SFRP1: variants seen among roughly 807,000 people sequenced by gnomAD.
The protein encoded by SFRP1 is secreted frizzled related protein 1.
SFRP1 carries 9 observed loss-of-function variants against 25.9 expected under a neutral mutation model. That is an observed-to-expected ratio of 0.35 (90% CI 0.21 to 0.61). SFRP1 has a LOEUF of 0.61. Ranked by LOEUF, SFRP1 falls within the 20% of genes least tolerant of loss-of-function variation. The pLI, the probability that SFRP1 is intolerant of heterozygous loss-of-function variation, is 0.78. For missense variants in SFRP1, 346 were observed against 418.2 expected (o/e 0.83, Z 1.51); for synonymous variants, 178 against 174.0 (o/e 1.02, Z -0.18).
chr8:41,292,667 G>C (rs113791997), intron 2 of SFRP1, among the ~76,000 whole-genome samples: 2 of 152,056 alleles, frequency 1.3e-5, no homozygotes, highest in Non-Finnish European at 2.9e-5. Context: ...CAACACTTCT[G>C]TCTACACAGC....
At chr8:41,299,499 T>TA (rs576175856) in intron 2 of SFRP1, among the ~76,000 whole-genome samples, 1,140 of 56,068 alleles carry the variant, frequency 0.02, 57 homozygotes, top group African/African-American at 0.044. Context: ...TTCTCCTTTA[T>TA]AAAAAAAAAA....
intron 2 of SFRP1, among the ~76,000 whole-genome samples, chr8:41,279,701 G>A (rs1168421514): frequency 4.7e-5 from 7 of 150,068 alleles, no homozygotes; most frequent in African/African-American, 1.5e-4. Flanking sequence ...AGCTTTCTAG[G>A]TATAAAGGGA....
At chr8:41,286,333 AGGGGCG>A (rs1803700949) in intron 2 of SFRP1, among the ~76,000 whole-genome samples, 1 of 152,248 alleles carries the variant, frequency 6.6e-6, no homozygotes, top group Non-Finnish European at 1.5e-5. Flanking sequence ...GTTCCGAGGC[AGGGGCG>A]GTTCCCGCTC....
rs118030952 is a variant in SFRP1 at position 41,286,720 on chromosome 8, G to A, written c.622+16741C>T. Among the ~76,000 whole-genome samples the A allele has an allele frequency of 2.7e-3, 416 of 152,264 alleles. 2 individuals are homozygous for A. Among genetic ancestry groups the A allele is most frequent in the Non-Finnish European group, 5.0e-3 (342 of 68,020 alleles). On this transcript the variant is annotated intron_variant, in intron 2 of 2. Transcript: ENST00000220772. ...TTCACTGAAGAGGGGGTCCACACAC[G>A]AGGTCGGGGGCAGCTAGGAACTCAT...
intron 2 of SFRP1, among the ~76,000 whole-genome samples, chr8:41,266,159 C>G (rs1281362495): frequency 6.6e-6 from 1 of 151,472 alleles, no homozygotes; most frequent in East Asian, 1.9e-4. Context: ...GAGCAAGACT[C>G]CATCTCAAAA....
chr8:41,286,837 C>T (rs905780407), intron 2 of SFRP1, among the ~76,000 whole-genome samples: 1 of 152,244 alleles, frequency 6.6e-6, no homozygotes, highest in African/African-American at 2.4e-5. Context: ...CATCTTACAT[C>T]TCCACCAGAA....
chr8:41,270,738 G>A (rs904054624), intron 2 of SFRP1, among the ~76,000 whole-genome samples: 4 of 150,616 alleles, frequency 2.7e-5, no homozygotes, highest in South Asian at 4.2e-4. Context: ...TAGGAGAATC[G>A]CTTGAACCCG....
intron 1 of SFRP1, 96 bp from the exon 2 acceptor site, chr8:41,303,634 G>A (rs1399033774): frequency 1.1e-6 from 1 of 893,798 alleles, no homozygotes; most frequent in East Asian, 2.5e-5. Flanking sequence ...CAGGCTGAAA[G>A]TGGCTAAAGG....
chr8:41,306,689 C>T (rs778113895), intron 1 of SFRP1: 15 of 1,591,556 alleles, frequency 9.4e-6, no homozygotes, highest in Middle Eastern at 1.7e-4. Context: ...TTTCTCTTTG[C>T]TCCTCAAAGA....
At chr8:41,305,638 G>A (rs74457841) in intron 1 of SFRP1, among the ~76,000 whole-genome samples, 7,717 of 152,236 alleles carry the variant, frequency 0.051, 569 homozygotes, top group African/African-American at 0.17. Flanking sequence ...GAACTAAATC[G>A]CTGTTTTCAG....
rs563474605 is a variant in SFRP1, at chr8:41,303,937, C to G, written c.545-399G>C. 2.0e-5 allele frequency among the ~76,000 whole-genome samples: 3 copies of G among 152,256 alleles called. No individual in the cohort carries two copies. In the South Asian group the frequency reaches 6.2e-4, roughly 32 times the overall value. ...CTCCTTTCAATACCATCCTCCGATT[C>G]CTGCCCCCTTCCCATTTCCACACTC... On this transcript the variant is annotated intron_variant, in intron 1 of 2. Coordinates refer to ENST00000220772, the MANE Select transcript of SFRP1 (RefSeq NM_003012.5).
chr8:41,276,115 AC>A (rs1803569279), intron 2 of SFRP1, among the ~76,000 whole-genome samples: 1 of 152,094 alleles, frequency 6.6e-6, no homozygotes. Flanking sequence ...ACCCCAATGC[AC>A]CAGTCGCATG....
chr8:41,271,918 C>T (rs556413062), intron 2 of SFRP1, among the ~76,000 whole-genome samples: 14 of 152,168 alleles, frequency 9.2e-5, no homozygotes, highest in South Asian at 2.1e-4. Context: ...TGAGCTATGA[C>T]TGCACCCCTG....
intron 1 of SFRP1, chr8:41,306,610 G>A: frequency 7.8e-7 from 1 of 1,287,120 alleles, no homozygotes; most frequent in East Asian, 2.5e-5. Flanking sequence ...TCAGGGCAGA[G>A]CCCCCCACCA....
chr8:41,282,760 T>C (rs919155221), intron 2 of SFRP1, among the ~76,000 whole-genome samples: 1 of 152,152 alleles, frequency 6.6e-6, no homozygotes, highest in African/African-American at 2.4e-5. Flanking sequence ...TATACACAAA[T>C]ATATGTACAG....
chr8:41,280,796 A>G (rs1803626008), intron 2 of SFRP1, among the ~76,000 whole-genome samples: 2 of 152,326 alleles, frequency 1.3e-5, no homozygotes, highest in South Asian at 2.1e-4. Flanking sequence ...CTGGATGGGC[A>G]AAGACTCAGG....
intron 2 of SFRP1, among the ~76,000 whole-genome samples, chr8:41,280,222 C>T (rs1803619457): frequency 6.6e-6 from 1 of 152,210 alleles, no homozygotes; most frequent in Non-Finnish European, 1.5e-5. Context: ...TGCGGCAAAG[C>T]CCTGCCCGAG....
intron 2 of SFRP1, among the ~76,000 whole-genome samples, chr8:41,296,715 G>A (rs1459622796): frequency 1.3e-5 from 2 of 152,160 alleles, no homozygotes; most frequent in Non-Finnish European, 2.9e-5. Flanking sequence ...AGAACAAAGT[G>A]AAGTAAAACA....
rs563238540 is a variant in SFRP1, at chr8:41,306,906, G to T, written c.544+1710C>A. On this transcript the variant is annotated intron_variant, in intron 1 of 2. Coordinates refer to ENST00000220772, the MANE Select transcript of SFRP1 (RefSeq NM_003012.5). ...GAGGGATTCTTTCCTCTCTTCTTCA[G>T]GCAACCCGTCCAATCCCCCCATGTT... 6.3e-6 allele frequency: 10 copies of T among 1,581,660 alleles called. No individual in the cohort carries two copies. In the South Asian group the frequency reaches 1.0e-4, roughly 16 times the overall value.
Sources: gnomAD v4.1 joint callset for allele counts (sites outside exome capture counted in the v4.1 genomes callset) on GRCh38, gnomAD v4.1.1 for gene constraint, MANE v1.5 for transcripts, NCBI Gene and HGNC (gene_info 2026-07-23, HGNC 2026-07-21) for gene names.